The following AGBL1 variants were observed in gnomAD, a reference collection of about 807,000 sequenced individuals.
AGBL1 encodes the protein AGBL carboxypeptidase 1, also known as cytosolic carboxypeptidase 4.
A neutral mutation model predicts 118.9 loss-of-function variants in AGBL1; 130 were observed. The ratio of observed to expected loss-of-function variants is 1.09; its 90% confidence interval spans 0.95 to 1.26. The LOEUF is 1.26. AGBL1 is among the 50% of genes most tolerant of loss of function. The pLI, the probability that AGBL1 is intolerant of heterozygous loss-of-function variation, is 0.00. For missense variants in AGBL1, 1,584 were observed against 1,298.1 expected, an observed-to-expected ratio of 1.22 and a Z score of -3.38; for synonymous variants, 555 against 478.9, an observed-to-expected ratio of 1.16 and a Z score of -2.08.
At chr15:86,538,502 A>T (rs1267816358) in intron 19 of AGBL1, among the ~76,000 whole-genome samples, 1 of 152,140 alleles carries the variant, frequency 6.6e-6, no homozygotes, top group Non-Finnish European at 1.5e-5. Flanking sequence ...CCTCAAAGAG[A>T]TGTTAACTCC....
intron 5 of AGBL1, among the ~76,000 whole-genome samples, chr15:86,191,774 T>G (rs1050201678): frequency 6.6e-6 from 1 of 151,884 alleles, no homozygotes; most frequent in Non-Finnish European, 1.5e-5. Context: ...GAGGAAGTAA[T>G]TTATTTTATT....
intron 21 of AGBL1, among the ~76,000 whole-genome samples, chr15:86,561,534 C>T (rs994373297): frequency 6.6e-6 from 1 of 152,248 alleles, no homozygotes; most frequent in African/African-American, 2.4e-5. Context: ...GGTACCAGTA[C>T]CATGCTGTTT....
intron 5 of AGBL1, among the ~76,000 whole-genome samples, chr15:86,194,430 A>G (rs142961733): frequency 0.012 from 1,861 of 152,242 alleles, 22 homozygotes; most frequent in East Asian, 0.058. Flanking sequence ...TTTGCTTTCC[A>G]CTATCCTTGC....
intron 16 of AGBL1, among the ~76,000 whole-genome samples, chr15:86,284,934 G>A (rs1203711345): frequency 6.6e-6 from 1 of 152,020 alleles, no homozygotes; most frequent in Non-Finnish European, 1.5e-5. Flanking sequence ...CTCTCTGGGG[G>A]TTTCTACAAT....
chr15:86,111,998 C>G (rs1897418352), intron 1 of AGBL1, among the ~76,000 whole-genome samples: 6 of 152,168 alleles, frequency 3.9e-5, no homozygotes, highest in Admixed American at 3.9e-4. Flanking sequence ...TTATGAGAAT[C>G]TAATGCCTGA....
At chr15:86,479,618 T>C (rs887512979) in intron 18 of AGBL1, among the ~76,000 whole-genome samples, 7 of 152,220 alleles carry the variant, frequency 4.6e-5, no homozygotes, top group Non-Finnish European at 7.3e-5. Context: ...AGGAACACTT[T>C]TACCCTGTTT....
In AGBL1 at chr15:86,754,635, C is replaced by T. The variant is rs556134661; in HGVS notation, c.3158+80199C>T. ...CCACCCCAAGTGAGTAAGTGCTCCT[C>T]GTGTCCTGAAAGCATCAGCCTGGCC... On this transcript the variant is annotated intron_variant, in intron 22 of 22. Transcript: ENST00000614907. 1.8e-4 allele frequency among the ~76,000 whole-genome samples: 27 copies of T among 152,156 alleles called. 1 individual carries two copies. The highest frequency in any genetic ancestry group is 1.0e-3 in the Admixed American group (16 of 15,272).
chr15:86,400,234 T>C (rs936023636), intron 18 of AGBL1, among the ~76,000 whole-genome samples: 1 of 152,112 alleles, frequency 6.6e-6, no homozygotes. Context: ...CCTGTGAGCT[T>C]CACCCATTTT....
At chr15:86,733,434 A>G (rs2141219992) in intron 22 of AGBL1, among the ~76,000 whole-genome samples, 1 of 152,322 alleles carries the variant, frequency 6.6e-6, no homozygotes, top group East Asian at 1.9e-4. Context: ...AGAAACACAG[A>G]CACCCAGAAA....
rs115391753 is a variant in AGBL1 at position 86,962,437 on chromosome 15, T to A, written c.3222-25550T>A. 8.4e-4 allele frequency among the ~76,000 whole-genome samples: 128 copies of A among 152,232 alleles called. 1 individual carries two copies. The highest frequency in any genetic ancestry group is 3.1e-3 in the African/African-American group (127 of 41,570). ...AATTCTTAAAGAAACATCTTTTTTT[T>A]AATCATATGTCTTTAAAAGAAAAAA... On this transcript the variant is annotated intron_variant, in intron 23 of 24. Coordinates refer to the AGBL1 transcript ENST00000441037.
At chr15:86,320,053 G>A (rs138104730) in intron 17 of AGBL1, among the ~76,000 whole-genome samples, 390 of 151,912 alleles carry the variant, frequency 2.6e-3, no homozygotes, top group African/African-American at 7.8e-3. Context: ...CACTGCACCC[G>A]GCCTCTTTGG....
chr15:86,163,993 C>T (rs990578598), intron 5 of AGBL1, among the ~76,000 whole-genome samples: 20 of 152,326 alleles, frequency 1.3e-4, no homozygotes, highest in Admixed American at 1.1e-3. Flanking sequence ...GAGGTGCCTT[C>T]TGGGAGAGAA....
At chr15:86,565,378 C>T (rs966533545) in intron 21 of AGBL1, among the ~76,000 whole-genome samples, 12 of 152,178 alleles carry the variant, frequency 7.9e-5, no homozygotes, top group Non-Finnish European at 1.6e-4. Context: ...AGGTCTGTTG[C>T]GGTTTGCTGG....
intron 22 of AGBL1, among the ~76,000 whole-genome samples, chr15:86,830,440 A>G (rs1188755966): frequency 6.6e-6 from 1 of 152,154 alleles, no homozygotes; most frequent in African/African-American, 2.4e-5. Context: ...TCTACCACCA[A>G]GGAGGCTTCA....
chr15:86,154,568 G>A lies in AGBL1; in HGVS notation c.394+7G>A. 1 of 1,603,580 alleles carries A rather than the reference G, an allele frequency of 6.2e-7. No homozygotes were observed. ...CGTGTGTTTGCCTCCAGTGGTAAGTGACTCTATTGTGGCTCTCGGGGATGG... is the reference window on the plus strand; with the variant it reads ...CGTGTGTTTGCCTCCAGTGGTAAGTAACTCTATTGTGGCTCTCGGGGATGG... On this transcript the variant is annotated splice_region_variant and intron_variant, in intron 4 of 22. Transcript: ENST00000614907.
intron 22 of AGBL1, among the ~76,000 whole-genome samples, chr15:86,833,308 A>C (rs1348129608): frequency 6.6e-6 from 1 of 152,144 alleles, no homozygotes; most frequent in African/African-American, 2.4e-5. Flanking sequence ...GTCCCCACCC[A>C]AATCTCAACT....
chr15:86,980,652 C>T (rs574505245), intron 23 of AGBL1, among the ~76,000 whole-genome samples: 3 of 152,176 alleles, frequency 2.0e-5, no homozygotes, highest in East Asian at 1.9e-4. Flanking sequence ...TGGACAAAAA[C>T]GTAGATTCCA....
At chr15:86,379,991 A>C (rs2141958291) in intron 17 of AGBL1, among the ~76,000 whole-genome samples, 1 of 152,358 alleles carries the variant, frequency 6.6e-6, no homozygotes, top group Middle Eastern at 3.4e-3. Flanking sequence ...ATTCATTTAC[A>C]TGCAATCTGT....
intron 17 of AGBL1, among the ~76,000 whole-genome samples, chr15:86,306,009 A>C (rs921292195): frequency 6.6e-6 from 1 of 151,630 alleles, no homozygotes; most frequent in African/African-American, 2.4e-5. Context: ...TTTTAATTTA[A>C]TTTTTTTTAT....
Sources: gnomAD v4.1 joint callset for allele counts (sites outside exome capture counted in the v4.1 genomes callset) on GRCh38, gnomAD v4.1.1 for gene constraint, MANE v1.5 for transcripts, NCBI Gene and HGNC (gene_info 2026-07-23, HGNC 2026-07-21) for gene names.